TCF20: variants seen among roughly 807,000 people sequenced by gnomAD.
The protein encoded by TCF20 is SPRE-binding protein.
In TCF20, 3 loss-of-function variants were observed where a neutral mutation model predicts 148.6. The ratio of observed to expected loss-of-function variants is 0.02; its 90% confidence interval spans 0.01 to 0.05. TCF20 has a LOEUF of 0.05. TCF20 is among the 10% of genes least tolerant of loss of function. TCF20 has a pLI of 1.00. For synonymous variants in TCF20, 1,049 were observed against 909.5 expected, an observed-to-expected ratio of 1.15 and a Z score of -2.76; for missense variants, 2,350 against 2,429.3, an observed-to-expected ratio of 0.97 and a Z score of 0.69.
chr22:42,161,972 C>CTTTTTTTTTTTTTTTTTTTTTTT (rs3045573), intron 5 of TCF20, among the ~76,000 whole-genome samples: 3 of 75,028 alleles, frequency 4.0e-5, no homozygotes, highest in African/African-American at 1.9e-4. Context: ...TAATGACAGT[C>CTTTTTTTTTTTTTTTTTTTTTTT]TTTTTTTTTT....
intron 2 of TCF20, among the ~76,000 whole-genome samples, chr22:42,197,555 C>T (rs1280557757): frequency 1.3e-5 from 2 of 152,072 alleles, no homozygotes; most frequent in Non-Finnish European, 2.9e-5. Context: ...ATCTCCTGAC[C>T]TTGTGATCCG....
chr22:42,234,846 A>C (rs996450870), intron 1 of TCF20, among the ~76,000 whole-genome samples: 1 of 152,198 alleles, frequency 6.6e-6, no homozygotes, highest in Non-Finnish European at 1.5e-5. Context: ...TTTCGGTAGC[A>C]TAAGAACTTT....
rs572759886 is a variant in TCF20, at chr22:42,298,284, G to A, written c.-37+45195C>T. Among the ~76,000 whole-genome samples, 8 of 152,336 alleles carry A rather than the reference G, an allele frequency of 5.3e-5. No homozygotes were observed. In the South Asian group the frequency reaches 8.3e-4, roughly 16 times the overall value. On this transcript the variant is annotated intron_variant, in intron 1 of 1. Transcript: ENST00000515426. Reference sequence around the variant, plus strand: ...AGGACAGGCAGGGTTTGACATCAGCGGAGGTGCTCCTGGAGAGAGGGTAGG... The same window carrying A: ...AGGACAGGCAGGGTTTGACATCAGCAGAGGTGCTCCTGGAGAGAGGGTAGG...
chr22:42,219,843 G>A (rs1057105971), intron 1 of TCF20, among the ~76,000 whole-genome samples: 4 of 152,172 alleles, frequency 2.6e-5, no homozygotes, highest in Admixed American at 6.6e-5. Flanking sequence ...GCAACAAAGC[G>A]AGATTCCGTC....
At chr22:42,337,435 C>T (rs1208331044) in intron 1 of TCF20, among the ~76,000 whole-genome samples, 1 of 152,184 alleles carries the variant, frequency 6.6e-6, no homozygotes, top group Non-Finnish European at 1.5e-5. Flanking sequence ...GCTTACAAGC[C>T]CTGGTGCCAC....
chr22:42,211,946 C>G lies in TCF20; in HGVS notation c.3360G>C (p.Arg1120=). 6.2e-7 allele frequency: 1 copy of G among 1,614,232 alleles called. No homozygotes were observed. Among genetic ancestry groups the G allele is most frequent in the East Asian group, 2.2e-5 (1 of 44,888 alleles). The change falls in exon 2 of 6, where the codon CGG becomes CGC. Residue 1120 remains arginine (R), a synonymous_variant. Transcript: ENST00000677622. The part of the protein sequence containing the change: ...AAAQHRQEGP[R]KSPRQQQFLD... The stretch of plus-strand genomic sequence containing the variant: ...GAAACTGCTGCTGCCTTGGACTCTT[C>G]CGTGGCCCCTCCTGCCTGTGCTGTG...
chr22:42,276,736 T>G (rs1926788329), intron 1 of TCF20: 1 of 152,120 alleles, frequency 6.6e-6, no homozygotes, highest in African/African-American at 2.4e-5. Flanking sequence ...GCGATTGTCT[T>G]CTGGAAGCAG....
At chr22:42,328,506 C>T (rs186710458) in intron 1 of TCF20, among the ~76,000 whole-genome samples, 69 of 152,284 alleles carry the variant, frequency 4.5e-4, no homozygotes, top group Non-Finnish European at 6.8e-4. Flanking sequence ...GGTCCCCTGT[C>T]CAGCCCCCTT....
intron 1 of TCF20, among the ~76,000 whole-genome samples, chr22:42,332,209 AG>A (rs1272412047): frequency 6.6e-6 from 1 of 152,186 alleles, no homozygotes; most frequent in Non-Finnish European, 1.5e-5. Flanking sequence ...CTGGCAGAGG[AG>A]GTGATACTCC....
intron 2 of TCF20, among the ~76,000 whole-genome samples, chr22:42,180,354 T>A (rs552547769): frequency 2.0e-5 from 3 of 152,180 alleles, no homozygotes; most frequent in African/African-American, 7.2e-5. Flanking sequence ...AAGTGAGACA[T>A]TATTTTGTAA....
intron 1 of TCF20, among the ~76,000 whole-genome samples, chr22:42,236,736 G>A (rs1454509198): frequency 1.3e-5 from 2 of 152,166 alleles, no homozygotes; most frequent in Non-Finnish European, 2.9e-5. Flanking sequence ...TAACATTGCA[G>A]GTATTGTGGG....
At chr22:42,293,363 C>G (rs1454481521) in intron 1 of TCF20, among the ~76,000 whole-genome samples, 1 of 152,216 alleles carries the variant, frequency 6.6e-6, no homozygotes, top group Non-Finnish European at 1.5e-5. Context: ...CAGCTCATTC[C>G]CTAGGGCTCG....
chr22:42,258,535 C>A (rs1263497712), intron 1 of TCF20, among the ~76,000 whole-genome samples: 1 of 152,206 alleles, frequency 6.6e-6, no homozygotes, highest in East Asian at 1.9e-4. Context: ...TTTACGCATG[C>A]TCTGGTTTCA....
chr22:42,280,798 T>C (rs116368575), intron 1 of TCF20, among the ~76,000 whole-genome samples: 1,641 of 152,316 alleles, frequency 0.011, 23 homozygotes, highest in African/African-American at 0.037. Flanking sequence ...CAGTGCCCCC[T>C]GGGAGCCAGG....
intron 1 of TCF20, among the ~76,000 whole-genome samples, chr22:42,238,056 C>G (rs2147298457): frequency 6.6e-6 from 1 of 152,314 alleles, no homozygotes; most frequent in East Asian, 1.9e-4. Context: ...ACTGACTTCT[C>G]CTAATTATGG....
At chr22:42,185,653 G>A (rs1231262474) in intron 2 of TCF20, among the ~76,000 whole-genome samples, 1 of 152,160 alleles carries the variant, frequency 6.6e-6, no homozygotes, top group Non-Finnish European at 1.5e-5. Flanking sequence ...AAGGCCCTGT[G>A]AGCATTTCTT....
chr22:42,183,776 C>CTT (rs58819800), intron 2 of TCF20, among the ~76,000 whole-genome samples: 38 of 140,140 alleles, frequency 2.7e-4, no homozygotes, highest in Middle Eastern at 3.6e-3. Flanking sequence ...CTTTTAGGTT[C>CTT]TTTTTTTTTT....
upstream of TCF20, among the ~76,000 whole-genome samples, chr22:42,272,412 T>C (rs910916397): frequency 1.1e-4 from 17 of 152,326 alleles, no homozygotes; most frequent in East Asian, 3.3e-3. Context: ...GAAAGATGAA[T>C]CCTTTTTCCT....
At chr22:42,323,932 G>A (rs867367237) in intron 1 of TCF20, among the ~76,000 whole-genome samples, 47 of 124,794 alleles carry the variant, frequency 3.8e-4, no homozygotes, top group African/African-American at 3.6e-4. Flanking sequence ...GGTTATGGTG[G>A]TGGTGGTGGT....
Sources: gnomAD v4.1 joint callset for allele counts (sites outside exome capture counted in the v4.1 genomes callset) on GRCh38, gnomAD v4.1.1 for gene constraint, MANE v1.5 for transcripts, NCBI Gene and HGNC (gene_info 2026-07-23, HGNC 2026-07-21) for gene names.